The following SNX29 variants were observed in gnomAD, a reference collection of about 807,000 sequenced individuals.
SNX29 encodes the protein sorting nexin-29.
SNX29 carries 78 observed loss-of-function variants against 102.1 expected under a neutral mutation model. The ratio of observed to expected loss-of-function variants is 0.76; its 90% CI spans 0.64 to 0.92. The LOEUF (loss-of-function observed/expected upper bound fraction) is 0.92. SNX29 is among the 40% of genes least tolerant of loss of function. SNX29 has a pLI of 0.00. For missense variants in SNX29, 1,280 were observed against 1,061.7 expected (o/e 1.21, Z -2.86); for synonymous variants, 580 against 414.5 (o/e 1.40, Z -4.85).
intron 3 of SNX29, among the ~76,000 whole-genome samples, chr16:12,010,419 C>T (rs1299651816): frequency 3.3e-5 from 5 of 152,054 alleles, no homozygotes; most frequent in Admixed American, 6.6e-5. Context: ...CCCAGGAGTT[C>T]GAGACCAGCC....
rs555206756 is a variant in SNX29, at chr16:12,572,753, C to T, written c.*4124C>T. On this transcript the variant is annotated 3_prime_UTR_variant, in exon 21 of 21. Coordinates refer to ENST00000566228, the MANE Select transcript of SNX29 (RefSeq NM_032167.5). Reference sequence around the variant, plus strand: ...GGCAAAGGAAGGGCTGGGTTTTCAGCTTCTGGGACCCGAGGAAGACCCCAC... The same window carrying T: ...GGCAAAGGAAGGGCTGGGTTTTCAGTTTCTGGGACCCGAGGAAGACCCCAC... 1.4e-5 allele frequency: 15 copies of T among 1,064,044 alleles called. 1 individual carries two copies. Among genetic ancestry groups the T allele is most frequent in the Middle Eastern group, 8.4e-4 (2 of 2,384 alleles). The allele number at this position is 1,064,044 out of a possible 1,614,324, so 65.9% of individuals were successfully genotyped here.
At chr16:12,397,502 A>AG (rs1198709619) in intron 16 of SNX29, among the ~76,000 whole-genome samples, 1 of 152,126 alleles carries the variant, frequency 6.6e-6, no homozygotes, top group Admixed American at 6.5e-5. Flanking sequence ...GGAAACCCTG[A>AG]GAGGTAAAAG....
intron 19 of SNX29, among the ~76,000 whole-genome samples, chr16:12,520,144 G>T (rs1447795199): frequency 2.6e-5 from 4 of 152,222 alleles, no homozygotes; most frequent in African/African-American, 9.6e-5. Flanking sequence ...ATTCAGGCCA[G>T]GGTGTCTGCA....
chr16:12,236,822 C>G (rs1390450715), intron 14 of SNX29, among the ~76,000 whole-genome samples: 12 of 152,230 alleles, frequency 7.9e-5, no homozygotes, highest in Non-Finnish European at 1.8e-4. Context: ...CCGTCCTCCC[C>G]TAGTGGATTC....
chr16:12,403,218 G>A (rs569139034), intron 17 of SNX29, among the ~76,000 whole-genome samples: 2,173 of 147,096 alleles, frequency 0.015, 48 homozygotes, highest in African/African-American at 0.041. Context: ...GTGTGTGTGT[G>A]TGTGTGTGTG....
chr16:12,425,832 A>G (rs1217033124), intron 18 of SNX29, among the ~76,000 whole-genome samples: 1 of 151,992 alleles, frequency 6.6e-6, no homozygotes, highest in Non-Finnish European at 1.5e-5. Flanking sequence ...ATGTTTTTTC[A>G]TGCTGCTTTT....
intron 15 of SNX29, among the ~76,000 whole-genome samples, chr16:12,336,115 A>C (rs2081441620): frequency 6.6e-6 from 1 of 152,116 alleles, no homozygotes; most frequent in African/African-American, 2.4e-5. Flanking sequence ...TAATATTTAC[A>C]TTTTAAATAA....
At position 12,148,616 on chromosome 16, in the gene SNX29, A is replaced by G. The variant is rs765059323; in HGVS notation, c.1595+18858A>G. Among the ~76,000 whole-genome samples, 3 of 151,894 alleles carry G rather than the reference A, an allele frequency of 2.0e-5. No individual in the cohort carries two copies. The East Asian group carries it at 5.8e-4, about 29-fold the overall frequency. On this transcript the variant is annotated intron_variant, in intron 13 of 20. Coordinates refer to ENST00000566228, the MANE Select transcript of SNX29 (RefSeq NM_032167.5). ...AGCATTTCTTGTTTTCTAATACATC[A>G]CTTCTTAGATTCATGATTTATCACT...
chr16:12,093,799 T>C (rs2052659223), intron 11 of SNX29: 1 of 152,210 alleles, frequency 6.6e-6, no homozygotes, highest in South Asian at 2.1e-4. Context: ...TGCAATTGTG[T>C]GCAAAATCGT....
chr16:12,547,786 G>T (rs537614529), intron 20 of SNX29, among the ~76,000 whole-genome samples: 5 of 152,134 alleles, frequency 3.3e-5, no homozygotes, highest in African/African-American at 4.8e-5. Flanking sequence ...CCTGGCTACC[G>T]AACAGAATGG....
chr16:12,061,038 T>A (rs2050753364), intron 8 of SNX29, among the ~76,000 whole-genome samples: 1 of 152,180 alleles, frequency 6.6e-6, no homozygotes, highest in African/African-American at 2.4e-5. Flanking sequence ...TGGCCTGTGA[T>A]GCATGTGCTG....
chr16:11,988,139 C>T (rs2055702969), intron 1 of SNX29, among the ~76,000 whole-genome samples: 1 of 151,908 alleles, frequency 6.6e-6, no homozygotes, highest in Non-Finnish European at 1.5e-5. Context: ...ACTAAAAATA[C>T]AAAAATTAGC....
intron 20 of SNX29, among the ~76,000 whole-genome samples, chr16:12,538,493 A>G (rs532722167): frequency 6.6e-6 from 1 of 152,262 alleles, no homozygotes; most frequent in African/African-American, 2.4e-5. Context: ...ACATACATCT[A>G]TGATACTTTG....
intron 14 of SNX29, among the ~76,000 whole-genome samples, chr16:12,267,591 C>A (rs755152927): frequency 6.6e-6 from 1 of 152,156 alleles, no homozygotes; most frequent in Non-Finnish European, 1.5e-5. Context: ...GGCACTGGAA[C>A]CTCCCTCATC....
At chr16:12,048,656 G>A in intron 7 of SNX29, 36 bp downstream of exon 7, 7 of 1,613,900 alleles carry the variant, frequency 4.3e-6, no homozygotes, top group Non-Finnish European at 5.9e-6. Context: ...GGAGCAGAGG[G>A]AATCAGAATG....
intron 18 of SNX29, among the ~76,000 whole-genome samples, chr16:12,452,753 A>G (rs569590550): frequency 8.5e-5 from 13 of 152,086 alleles, no homozygotes; most frequent in African/African-American, 1.2e-4. Context: ...TGAGGAGAGG[A>G]GCCGGGTGGT....
intron 11 of SNX29, among the ~76,000 whole-genome samples, chr16:12,123,928 G>T (rs1219292075): frequency 3.3e-5 from 5 of 152,208 alleles, no homozygotes; most frequent in African/African-American, 9.7e-5. Context: ...ACTGGTCCCT[G>T]CTTTATCCTA....
chr16:12,008,760 G>C (rs1256048332), intron 3 of SNX29, among the ~76,000 whole-genome samples: 1 of 138,666 alleles, frequency 7.2e-6, no homozygotes, highest in Non-Finnish European at 1.5e-5. Context: ...TTTTTAACTT[G>C]AGATGGAGCC....
intron 20 of SNX29, among the ~76,000 whole-genome samples, chr16:12,532,388 T>C (rs1346010331): frequency 6.6e-6 from 1 of 152,206 alleles, no homozygotes; most frequent in Non-Finnish European, 1.5e-5. Flanking sequence ...CGTTCACTTG[T>C]GTTTCCCAGC....
Sources: allele counts gnomAD v4.1 joint callset (sites outside exome capture counted in the v4.1 genomes callset), GRCh38; gene constraint gnomAD v4.1.1; transcripts MANE v1.5; gene names NCBI Gene and HGNC (gene_info 2026-07-23, HGNC 2026-07-21).